Variants in NAA60 observed in about 807,000 individuals in gnomAD.
NAA60 encodes N-alpha-acetyltransferase 60, NatF catalytic subunit.
NAA60 carries 8 observed loss-of-function variants against 26.1 expected under a neutral mutation model. The observed-to-expected ratio is 0.31, with a 90% CI of 0.18 to 0.55. NAA60 has a LOEUF of 0.55. Among genes scored for constraint, NAA60 ranks in the 20% least tolerant of loss-of-function variants. The pLI is 0.93. For synonymous variants in NAA60, 131 were observed against 122.5 expected, an observed-to-expected ratio of 1.07 and a Z score of -0.46; for missense variants, 290 against 311.3, an observed-to-expected ratio of 0.93 and a Z score of 0.51.
In NAA60 at chr16:3,483,407, G is replaced by T. The variant is rs777212269; in HGVS notation, c.382G>T (p.Ala128Ser). 24 of 1,613,244 alleles carry T rather than the reference G, an allele frequency of 1.5e-5. No individual in the cohort carries two copies. Among genetic ancestry groups the T allele is most frequent in the Non-Finnish European group, 1.9e-5 (23 of 1,179,718 alleles). The part of the protein sequence containing the change: ...ESLKDHISTT[A>S]QDHCKAIYLH... ...TTTAAAGGATCACATATCAACCACC[G>T]CCCAGGACCACTGCAAAGCCATTTA... Residue 128 changes from alanine (A) to serine (S), a missense_variant, in exon 6 of 8, where the codon GCC becomes TCC. Transcript: ENST00000407558.
In NAA60 at chr16:3,483,348, C is replaced by T. The variant is rs780936380; in HGVS notation, c.338-15C>T. ...AACTGCTCTGCCTGCATTACCTTTA[C>T]CTCTTCTCCCCAAGGTTCCCTCTTA... On this transcript the variant is annotated splice_polypyrimidine_tract_variant and intron_variant, in intron 5 of 7. Transcript: ENST00000407558. 3 of 1,577,212 alleles carry T rather than the reference C, an allele frequency of 1.9e-6. No individual in the cohort carries two copies. Among genetic ancestry groups the T allele is most frequent in the Admixed American group, 3.7e-5 (2 of 54,750 alleles).
intron 4 of NAA60, among the ~76,000 whole-genome samples, chr16:3,482,090 T>C (rs1433155181): frequency 6.6e-6 from 1 of 152,118 alleles, no homozygotes. Context: ...TAACTGAACC[T>C]CTAAAACTTT....
chr16:3,478,235 C>A (rs1481727426), intron 3 of NAA60, among the ~76,000 whole-genome samples: 1 of 152,036 alleles, frequency 6.6e-6, no homozygotes, highest in Non-Finnish European at 1.5e-5. Flanking sequence ...GACTCCATCT[C>A]AAAATAAAAA....
At chr16:3,470,673 G>A (rs186274288) in intron 2 of NAA60, among the ~76,000 whole-genome samples, 3 of 82,044 alleles carry the variant, frequency 3.7e-5, no homozygotes, top group Non-Finnish European at 6.2e-5. Context: ...AGTGGGGTTG[G>A]GGGGGGCCGC....
chr16:3,479,175 G>A (rs1194835093), intron 3 of NAA60, among the ~76,000 whole-genome samples: 3 of 152,152 alleles, frequency 2.0e-5, no homozygotes, highest in South Asian at 2.1e-4. Flanking sequence ...AGGAGGCAAC[G>A]GTTGCAGTGA....
chr16:3,445,506 C>G (rs2034516395), intron 1 of NAA60, among the ~76,000 whole-genome samples: 1 of 151,566 alleles, frequency 6.6e-6, no homozygotes, highest in Admixed American at 6.6e-5. Context: ...GTCTCGATCT[C>G]GTGACCTCAT....
chr16:3,479,064 C>T (rs2036664685), intron 3 of NAA60, among the ~76,000 whole-genome samples: 3 of 152,070 alleles, frequency 2.0e-5, no homozygotes, highest in East Asian at 1.9e-4. Context: ...GGAGAAACCC[C>T]ATCTCTACTT....
chr16:3,466,654 G>C (rs2035780669), intron 2 of NAA60, among the ~76,000 whole-genome samples: 1 of 152,206 alleles, frequency 6.6e-6, no homozygotes, highest in Non-Finnish European at 1.5e-5. Flanking sequence ...CTTGTGGTAT[G>C]GATGAGCACA....
intron 1 of NAA60, 42 bp downstream of exon 1, chr16:3,443,879 T>C: frequency 6.6e-7 from 1 of 1,520,528 alleles, no homozygotes; most frequent in East Asian, 2.5e-5. Flanking sequence ...GAAATTTCGG[T>C]CTGGCCAGAG....
intron 2 of NAA60, among the ~76,000 whole-genome samples, chr16:3,459,815 CTT>C (rs1258211798): frequency 6.6e-6 from 1 of 152,172 alleles, no homozygotes; most frequent in African/African-American, 2.4e-5. Flanking sequence ...CTTGAAGTGA[CTT>C]TGTTGCCGTG....
intron 1 of NAA60, among the ~76,000 whole-genome samples, chr16:3,446,395 G>T (rs1297631136): frequency 6.6e-6 from 1 of 151,756 alleles, no homozygotes; most frequent in Non-Finnish European, 1.5e-5. Context: ...GCCAGGCGTG[G>T]TAGCGGGCAC....
chr16:3,485,934 C>G lies in NAA60; in HGVS notation c.*674C>G, dbSNP rs1423764464. The G allele has an allele frequency of 1.2e-5, 4 of 326,322 alleles. No individual in the cohort carries two copies. Among genetic ancestry groups the G allele is most frequent in the African/African-American group, 8.7e-5 (4 of 45,970 alleles). The allele number at this position is 326,322 out of a possible 1,614,324, so 20.2% of individuals were successfully genotyped here. A position where few individuals can be genotyped will look rare whatever the true frequency, so the allele number is the denominator to read the frequency against. On this transcript the variant is annotated 3_prime_UTR_variant, in exon 8 of 8. Transcript: ENST00000407558. ...GACGGTTCCTACTCCTCAGCACCTT[C>G]CGTGCAGTTACCAGTGCCCTGGGAG...
Position 3,452,012 on chromosome 16 carries a change from G to A in NAA60, c.-7+3472G>A, listed in dbSNP as rs116838264. On this transcript the variant is annotated intron_variant, in intron 2 of 7. Transcript: ENST00000407558. ...GTCAGATCACTTGCACCAGGAGTTC[G>A]AGACCAGCCTGGGCAATATAGTGAG... 5.7e-3 allele frequency among the ~76,000 whole-genome samples: 863 copies of A among 151,952 alleles called. 9 individuals carry two copies. The highest frequency in any genetic ancestry group is 0.019 in the African/African-American group (801 of 41,442).
chr16:3,478,365 C>T (rs1024373754), intron 3 of NAA60, among the ~76,000 whole-genome samples: 1 of 152,220 alleles, frequency 6.6e-6, no homozygotes, highest in South Asian at 2.1e-4. Flanking sequence ...AGTGGAGCCA[C>T]GCTGGACCGT....
chr16:3,460,672 A>T (rs947506556), intron 2 of NAA60, among the ~76,000 whole-genome samples: 4 of 152,132 alleles, frequency 2.6e-5, no homozygotes, highest in Non-Finnish European at 2.9e-5. Context: ...GCCCGCCCTC[A>T]TGGCTTTTAC....
chr16:3,477,785 G>T (rs2036572429), intron 3 of NAA60, among the ~76,000 whole-genome samples: 1 of 151,602 alleles, frequency 6.6e-6, no homozygotes, highest in East Asian at 1.9e-4. Flanking sequence ...CAAAAATTGG[G>T]CCGGGCGCAG....
chr16:3,473,190 C>A (rs542290184), intron 2 of NAA60, among the ~76,000 whole-genome samples: 2 of 152,110 alleles, frequency 1.3e-5, no homozygotes, highest in South Asian at 4.1e-4. Flanking sequence ...CACACCACCA[C>A]GCCTGGCTAA....
intron 2 of NAA60, chr16:3,450,013 A>G (rs2034711853): frequency 2.6e-6 from 1 of 391,892 alleles, no homozygotes; most frequent in Non-Finnish European, 4.5e-6. Context: ...GTGTGAAAAC[A>G]GACTAATACA....
Position 3,483,523 on chromosome 16 carries a change from C to T in NAA60, c.498C>T (p.Ser166=), listed in dbSNP as rs368310935. 3.7e-6 allele frequency: 6 copies of T among 1,613,674 alleles called. No individual in the cohort carries two copies. The highest frequency in any genetic ancestry group is 4.5e-5 in the East Asian group (2 of 44,898). The stretch of plus-strand genomic sequence containing the variant: ...ACCACTATCTCCCCTATTACTACTC[C>T]ATTCGAGGGGTCCTCAAAGATGGCT... ...KQHHYLPYYY[S]IRGVLKDGFT... Residue 166 remains serine, a synonymous_variant, in exon 6 of 8, where the codon TCC becomes TCT. Transcript: ENST00000407558.
Sources: gnomAD v4.1 joint callset for allele counts (sites outside exome capture counted in the v4.1 genomes callset) on GRCh38, gnomAD v4.1.1 for gene constraint, MANE v1.5 for transcripts, NCBI Gene and HGNC (gene_info 2026-07-23, HGNC 2026-07-21) for gene names.